SORCS1: variants seen among roughly 807,000 people sequenced by gnomAD.
SORCS1 encodes the protein sortilin related VPS10 domain containing receptor 1.
In SORCS1, 60 loss-of-function variants were observed where a neutral mutation model predicts 146.1. That is an observed-to-expected ratio of 0.41 (90% CI 0.33 to 0.51). The LOEUF is 0.51. Among genes scored for constraint, SORCS1 ranks in the 20% least tolerant of loss-of-function variants. The pLI, the probability that SORCS1 is intolerant of heterozygous loss-of-function variation, is 0.21. For synonymous variants in SORCS1, 637 were observed against 584.0 expected (o/e 1.09, Z -1.31); for missense variants, 1,352 against 1,487.6 (o/e 0.91, Z 1.50).
intron 2 of SORCS1, among the ~76,000 whole-genome samples, chr10:106,853,875 T>A (rs917449902): frequency 1.3e-5 from 2 of 152,040 alleles, no homozygotes; most frequent in African/African-American, 4.8e-5. Flanking sequence ...GTTCAGAAAG[T>A]GGTCTGTCTT....
chr10:106,671,171 CT>C (rs1279965289), intron 16 of SORCS1, 65 bp downstream of exon 16: 3 of 1,598,934 alleles, frequency 1.9e-6, no homozygotes, highest in Non-Finnish European at 2.6e-6. Flanking sequence ...CAATTCTAAG[CT>C]TTCATTCAGG....
chr10:107,134,576 T>C (rs1174262642), intron 1 of SORCS1, among the ~76,000 whole-genome samples: 3 of 151,814 alleles, frequency 2.0e-5, no homozygotes, highest in Non-Finnish European at 2.9e-5. Context: ...GAGGCGGAGG[T>C]TGCAGTGAGC....
the SORCS1 span, among the ~76,000 whole-genome samples, chr10:107,175,551 T>C: frequency 6.6e-6 from 1 of 152,144 alleles, no homozygotes; most frequent in East Asian, 1.9e-4. Context: ...GATTCTCTTG[T>C]CAGCTTCCCG....
At chr10:106,891,015 C>T (rs778991350) in intron 2 of SORCS1, among the ~76,000 whole-genome samples, 25 of 152,172 alleles carry the variant, frequency 1.6e-4, no homozygotes, top group Non-Finnish European at 2.9e-4. Context: ...ATTTATGATA[C>T]ATTTTCTTCT....
At chr10:107,044,408 A>G (rs567542122) in intron 1 of SORCS1, among the ~76,000 whole-genome samples, 3 of 151,932 alleles carry the variant, frequency 2.0e-5, no homozygotes, top group Admixed American at 2.0e-4. Context: ...ACAAATAAAT[A>G]AGAAATGTGC....
At chr10:106,664,533 T>G (rs1850982758) in intron 17 of SORCS1, among the ~76,000 whole-genome samples, 1 of 152,012 alleles carries the variant, frequency 6.6e-6, no homozygotes, top group Non-Finnish European at 1.5e-5. Context: ...TCCCAGCTAC[T>G]CGGGAAGCTG....
At chr10:107,148,375 A>G (rs2134786612) in intron 1 of SORCS1, among the ~76,000 whole-genome samples, 1 of 152,360 alleles carries the variant, frequency 6.6e-6, no homozygotes, top group East Asian at 1.9e-4. Context: ...CATAGACAAT[A>G]TGTCAATGAA....
At chr10:106,697,455 C>CAAA (rs5787684) in intron 9 of SORCS1, among the ~76,000 whole-genome samples, 59 of 148,092 alleles carry the variant, frequency 4.0e-4, no homozygotes, top group African/African-American at 1.4e-3. Context: ...GACTCCATCT[C>CAAA]AAAATAAATA....
At chr10:106,709,131 TGAC>T in intron 7 of SORCS1, 89 bp downstream of exon 7, 1 of 914,540 alleles carries the variant, frequency 1.1e-6, no homozygotes, top group Admixed American at 2.1e-5. Context: ...CCTCTCTTTT[TGAC>T]TCTTAATGGA....
intron 6 of SORCS1, 132 bp from the exon 7 acceptor site, chr10:106,709,473 G>T (rs1162684141): frequency 2.2e-6 from 1 of 455,930 alleles, no homozygotes; most frequent in South Asian, 2.1e-5. Context: ...TTTTGAGATG[G>T]AGTCTCGCTC....
chr10:107,151,577 A>C (rs1429475894), intron 1 of SORCS1, among the ~76,000 whole-genome samples: 1 of 152,162 alleles, frequency 6.6e-6, no homozygotes, highest in African/African-American at 2.4e-5. Flanking sequence ...TATGACGAGA[A>C]TAGCACAGGA....
At chr10:106,849,903 T>C (rs1589546728) in intron 2 of SORCS1, among the ~76,000 whole-genome samples, 1 of 152,036 alleles carries the variant, frequency 6.6e-6, no homozygotes, top group South Asian at 2.1e-4. Context: ...TGCTCGGGGG[T>C]CAGGGGTCAG....
chr10:107,168,231 T>C (rs1970094818), upstream of SORCS1, among the ~76,000 whole-genome samples: 1 of 152,178 alleles, frequency 6.6e-6, no homozygotes, highest in South Asian at 2.1e-4. Context: ...CCCCACTTCA[T>C]ATGGCTGACT....
At chr10:106,647,559 C>T (rs904438802) in intron 18 of SORCS1, among the ~76,000 whole-genome samples, 2 of 152,126 alleles carry the variant, frequency 1.3e-5, no homozygotes, top group African/African-American at 4.8e-5. Context: ...AGAAATGGAA[C>T]CACAAATAGT....
At chr10:106,736,777 T>A (rs1240878129) in intron 5 of SORCS1, among the ~76,000 whole-genome samples, 1 of 152,192 alleles carries the variant, frequency 6.6e-6, no homozygotes, top group Non-Finnish European at 1.5e-5. Context: ...ACATGTCTGC[T>A]TTCTGCTTTT....
intron 23 of SORCS1, chr10:106,600,149 TA>T: frequency 4.1e-6 from 1 of 243,884 alleles, no homozygotes; most frequent in Non-Finnish European, 6.6e-6. Flanking sequence ...TACCAATAGC[TA>T]AACCAGAAAA....
chr10:107,021,983 A>T (rs1958170562), intron 1 of SORCS1, among the ~76,000 whole-genome samples: 1 of 152,212 alleles, frequency 6.6e-6, no homozygotes, highest in African/African-American at 2.4e-5. Context: ...TAGCTCTGCC[A>T]ACTCCTACTT....
intron 1 of SORCS1, among the ~76,000 whole-genome samples, chr10:107,101,391 C>T (rs1964915147): frequency 2.0e-5 from 3 of 152,166 alleles, no homozygotes; most frequent in African/African-American, 7.2e-5. Flanking sequence ...ATGTGACAAT[C>T]AATGAACCAA....
At chr10:107,053,414 G>A (rs2134064505) in intron 1 of SORCS1, among the ~76,000 whole-genome samples, 1 of 152,238 alleles carries the variant, frequency 6.6e-6, no homozygotes, top group South Asian at 2.1e-4. Flanking sequence ...CAATTTGCCA[G>A]AAGTAAATGA....
Sources: gnomAD v4.1 joint callset for allele counts (sites outside exome capture counted in the v4.1 genomes callset) on GRCh38, gnomAD v4.1.1 for gene constraint, MANE v1.5 for transcripts, NCBI Gene and HGNC (gene_info 2026-07-23, HGNC 2026-07-21) for gene names.